The following CFAP20DC variants were observed in gnomAD, a reference collection of about 807,000 sequenced individuals.
The protein encoded by CFAP20DC is protein CFAP20DC.
Under a neutral mutation model 101.7 loss-of-function variants are expected in CFAP20DC, and 84 were observed. The observed-to-expected ratio is 0.83, with a 90% CI of 0.69 to 0.99. CFAP20DC has a LOEUF of 0.99. CFAP20DC is among the 50% of genes least tolerant of loss of function. CFAP20DC has a pLI of 0.00. For missense variants in CFAP20DC, 1,007 were observed against 970.3 expected, an observed-to-expected ratio of 1.04 and a Z score of -0.50; for synonymous variants, 359 against 351.2, an observed-to-expected ratio of 1.02 and a Z score of -0.25.
At chr3:58,808,761 C>G (rs1259041974) in intron 14 of CFAP20DC, among the ~76,000 whole-genome samples, 1 of 152,144 alleles carries the variant, frequency 6.6e-6, no homozygotes, top group Non-Finnish European at 1.5e-5. Context: ...TTAAAAGACA[C>G]AGACTGGCAA....
chr3:58,819,649 A>T lies in CFAP20DC; in HGVS notation c.2175+12037T>A, dbSNP rs550448472. On this transcript the variant is annotated intron_variant, in intron 14 of 16. Coordinates refer to ENST00000482387, the MANE Select transcript of CFAP20DC (RefSeq NM_001394063.1). ...AGGATCTGAAATTGTGGCAATAATC[A>T]ATAGCTTACCAACCAAAAAGAGTCC... Among the ~76,000 whole-genome samples, 9 of 147,376 alleles carry T rather than the reference A, an allele frequency of 6.1e-5. No individual in the cohort carries two copies. In the East Asian group the frequency reaches 1.9e-3, roughly 32 times the overall value.
intron 15 of CFAP20DC, among the ~76,000 whole-genome samples, chr3:58,805,212 T>C (rs2073971430): frequency 6.6e-6 from 1 of 152,210 alleles, no homozygotes; most frequent in Non-Finnish European, 1.5e-5. Flanking sequence ...AACTGTGATA[T>C]GTAAACTCAA....
Position 58,912,873 on chromosome 3 carries a change from C to A in CFAP20DC, c.550+835G>T, listed in dbSNP as rs1303455204. 5.1e-6 allele frequency: 2 copies of A among 394,580 alleles called. No homozygotes were observed. The highest frequency in any genetic ancestry group is 9.9e-6 in the Non-Finnish European group (2 of 201,914). The allele number at this position is 394,580 out of a possible 1,614,324, so 24.4% of individuals were successfully genotyped here. ...ACTAGAAAATTAATATGATTTCTCC[C>A]AAATGACTTCCTGAAATGTACACAG... On this transcript the variant is annotated intron_variant, in intron 6 of 16. Transcript: ENST00000482387. The surrounding 1 kb of genome is among the most constrained non-coding windows in gnomAD (Gnocchi z 4.4).
intron 4 of CFAP20DC, among the ~76,000 whole-genome samples, chr3:58,990,527 G>A (rs916132177): frequency 6.6e-6 from 1 of 152,050 alleles, no homozygotes; most frequent in African/African-American, 2.4e-5. Context: ...CATCCTTTGA[G>A]TCTCAGTTCA....
chr3:58,835,705 T>C (rs2076691281), intron 13 of CFAP20DC, among the ~76,000 whole-genome samples: 1 of 152,236 alleles, frequency 6.6e-6, no homozygotes, highest in Non-Finnish European at 1.5e-5. Flanking sequence ...CAACTGGTGA[T>C]GGAGTCAGGT....
intron 1 of CFAP20DC, among the ~76,000 whole-genome samples, chr3:59,047,688 A>T (rs763711182): frequency 2.6e-5 from 4 of 152,242 alleles, no homozygotes; most frequent in Non-Finnish European, 5.9e-5. Context: ...AGTCATACTG[A>T]CTGAGGCTCC....
intron 14 of CFAP20DC, among the ~76,000 whole-genome samples, chr3:58,807,033 C>A (rs1004960132): frequency 1.3e-5 from 2 of 152,166 alleles, no homozygotes; most frequent in African/African-American, 4.8e-5. Flanking sequence ...CCCGCCATTG[C>A]CCAGACTTGC....
At position 58,724,299 on chromosome 3, in the gene CFAP20DC, G is replaced by C. The variant is rs141091609; in HGVS notation, c.198-6671C>G. Among the ~76,000 whole-genome samples the C allele has an allele frequency of 6.6e-6, 1 of 152,264 alleles. No homozygotes were observed. The highest frequency in any genetic ancestry group is 2.4e-5 in the African/African-American group (1 of 41,542). On this transcript the variant is annotated intron_variant, in intron 3 of 3. Transcript: ENST00000486145. This position sits in a 1 kb window ranked among gnomAD's most constrained non-coding sequence, Gnocchi z 5.6. Reference sequence around the variant, plus strand: ...CAGCAGTGTTGGGAAAAGGGCTTGTGGGGTGCCTGTATAAACTGGCCATAA... The same window carrying C: ...CAGCAGTGTTGGGAAAAGGGCTTGTCGGGTGCCTGTATAAACTGGCCATAA...
chr3:58,891,859 T>C (rs2082286104), intron 6 of CFAP20DC, among the ~76,000 whole-genome samples: 1 of 152,248 alleles, frequency 6.6e-6, no homozygotes, highest in Non-Finnish European at 1.5e-5. Context: ...TTGCTTTTGG[T>C]GTTTTCATCA....
At chr3:58,934,189 C>T (rs1207956156) in intron 5 of CFAP20DC, among the ~76,000 whole-genome samples, 1 of 152,128 alleles carries the variant, frequency 6.6e-6, no homozygotes, top group African/African-American at 2.4e-5. Flanking sequence ...GGATAAATTC[C>T]TCGACACATA....
intron 4 of CFAP20DC, among the ~76,000 whole-genome samples, chr3:58,983,912 A>G (rs1039452725): frequency 1.3e-5 from 2 of 152,178 alleles, no homozygotes; most frequent in African/African-American, 4.8e-5. Flanking sequence ...GTCTGGCCCT[A>G]GCATCTGTCA....
intron 5 of CFAP20DC, among the ~76,000 whole-genome samples, chr3:58,931,524 C>A (rs868522476): frequency 3.3e-5 from 5 of 152,068 alleles, no homozygotes; most frequent in African/African-American, 9.7e-5. Context: ...AGGCACCCCC[C>A]AGTAGGGGCA....
chr3:58,771,546 T>A (rs1248745114), intron 15 of CFAP20DC, among the ~76,000 whole-genome samples: 1 of 152,130 alleles, frequency 6.6e-6, no homozygotes, highest in African/African-American at 2.4e-5. Flanking sequence ...CATATTAGCA[T>A]ATTGAGTTTG....
intron 15 of CFAP20DC, among the ~76,000 whole-genome samples, chr3:58,785,836 A>AC (rs2072285887): frequency 6.6e-6 from 1 of 152,114 alleles, no homozygotes. Context: ...CTGCCTAAAG[A>AC]CAGGATATCA....
At chr3:58,940,866 A>C (rs2088454055) in intron 4 of CFAP20DC, among the ~76,000 whole-genome samples, 1 of 152,190 alleles carries the variant, frequency 6.6e-6, no homozygotes, top group Non-Finnish European at 1.5e-5. Flanking sequence ...ATTTCAGGAG[A>C]ATGATACTGA....
chr3:58,904,130 T>C (rs1486224917), intron 6 of CFAP20DC, among the ~76,000 whole-genome samples: 1 of 152,168 alleles, frequency 6.6e-6, no homozygotes, highest in Non-Finnish European at 1.5e-5. Flanking sequence ...TCTTTCCATT[T>C]ATTTAGGTCT....
intron 15 of CFAP20DC, among the ~76,000 whole-genome samples, chr3:58,775,194 G>A (rs1185533085): frequency 2.0e-5 from 3 of 152,164 alleles, no homozygotes; most frequent in Admixed American, 2.0e-4. Context: ...GTCCAGAAAG[G>A]CGAGGACAAC....
At chr3:58,954,039 T>C (rs1486243417) in intron 4 of CFAP20DC, among the ~76,000 whole-genome samples, 3 of 152,224 alleles carry the variant, frequency 2.0e-5, no homozygotes, top group Non-Finnish European at 4.4e-5. Flanking sequence ...AATAATATTC[T>C]AGTGATCAGC....
chr3:58,759,619 T>C (rs894015920), intron 15 of CFAP20DC, among the ~76,000 whole-genome samples: 9 of 152,204 alleles, frequency 5.9e-5, no homozygotes, highest in African/African-American at 1.4e-4. Context: ...CATGCCTATG[T>C]CCTGGATGGT....
Sources: gnomAD v4.1 joint callset for allele counts (sites outside exome capture counted in the v4.1 genomes callset) on GRCh38, gnomAD v4.1.1 for gene constraint, Gnocchi (gnomAD v3.1) non-coding constraint, MANE v1.5 for transcripts, NCBI Gene and HGNC (gene_info 2026-07-23, HGNC 2026-07-21) for gene names.